NPSR1: variants seen among roughly 807,000 people sequenced by gnomAD.
The protein encoded by NPSR1 is neuropeptide S receptor.
A neutral mutation model predicts 46.9 loss-of-function variants in NPSR1; 48 were observed. That is an observed-to-expected ratio of 1.02 (90% CI 0.81 to 1.30). The LOEUF (loss-of-function observed/expected upper bound fraction) is 1.30, where lower values mean the gene tolerates loss of function less well. NPSR1 is among the 50% of genes most tolerant of loss of function. The pLI is 0.00. For synonymous variants in NPSR1, 176 were observed against 168.1 expected, an observed-to-expected ratio of 1.05 and a Z score of -0.36; for missense variants, 450 against 449.5, an observed-to-expected ratio of 1.00 and a Z score of -0.01.
intron 8 of NPSR1, among the ~76,000 whole-genome samples, chr7:34,858,308 G>C (rs1791097369): frequency 6.6e-6 from 1 of 151,602 alleles, no homozygotes; most frequent in Non-Finnish European, 1.5e-5. Context: ...CAGTAGAATA[G>C]ATAAATAAAT....
At chr7:34,806,629 G>C (rs969811753) in intron 3 of NPSR1, among the ~76,000 whole-genome samples, 1 of 152,012 alleles carries the variant, frequency 6.6e-6, no homozygotes, top group Non-Finnish European at 1.5e-5. Flanking sequence ...GTCCAACACA[G>C]AGTGAACCTT....
intron 1 of NPSR1, among the ~76,000 whole-genome samples, chr7:34,663,022 C>T (rs1791533111): frequency 7.8e-6 from 1 of 128,944 alleles, no homozygotes. Context: ...ACTCCAGGGG[C>T]AGTGCTTCTG....
intron 1 of NPSR1, among the ~76,000 whole-genome samples, chr7:34,668,857 T>C (rs1275044938): frequency 6.6e-6 from 1 of 152,178 alleles, no homozygotes; most frequent in African/African-American, 2.4e-5. Context: ...CCAAAGTAAG[T>C]TCATGGTCAC....
chr7:34,842,480 T>C (rs1280725625), intron 6 of NPSR1, among the ~76,000 whole-genome samples: 2 of 152,212 alleles, frequency 1.3e-5, no homozygotes, highest in African/African-American at 4.8e-5. Context: ...CACACAATTG[T>C]GACAATTAAA....
chr7:34,842,350 T>A (rs1387644952), intron 6 of NPSR1, among the ~76,000 whole-genome samples: 1 of 152,250 alleles, frequency 6.6e-6, no homozygotes, highest in Non-Finnish European at 1.5e-5. Flanking sequence ...GTTTCTCACC[T>A]TTGACACCTT....
intron 2 of NPSR1, among the ~76,000 whole-genome samples, chr7:34,710,508 G>A (rs1783222848): frequency 6.6e-6 from 1 of 152,190 alleles, no homozygotes; most frequent in Admixed American, 6.5e-5. Context: ...GTCCTTTCCA[G>A]AATAGATGAA....
chr7:34,845,549 C>T (rs1304613564), intron 7 of NPSR1: 3 of 455,686 alleles, frequency 6.6e-6, no homozygotes, highest in Non-Finnish European at 1.3e-5. Flanking sequence ...TTCCTAATCT[C>T]ATTTGTTCCC....
intron 2 of NPSR1, chr7:34,753,275 G>C (rs1253715811): frequency 2.0e-5 from 3 of 152,196 alleles, no homozygotes; most frequent in African/African-American, 4.8e-5. Context: ...AGAAATACGA[G>C]ACTGTCTTCC....
intron 8 of NPSR1, among the ~76,000 whole-genome samples, chr7:34,859,201 T>C (rs1244113729): frequency 6.6e-6 from 1 of 151,746 alleles, no homozygotes; most frequent in Non-Finnish European, 1.5e-5. Context: ...GGAACATTGA[T>C]GCCAACATTT....
intron 2 of NPSR1, among the ~76,000 whole-genome samples, chr7:34,760,328 G>C (rs1248532827): frequency 1.3e-5 from 2 of 152,090 alleles, no homozygotes; most frequent in Non-Finnish European, 2.9e-5. Flanking sequence ...GGTTTTATAG[G>C]GCAAGCATTT....
At chr7:34,796,984 T>C (rs1238721614) in intron 3 of NPSR1, among the ~76,000 whole-genome samples, 1 of 152,194 alleles carries the variant, frequency 6.6e-6, no homozygotes, top group East Asian at 1.9e-4. Flanking sequence ...AATGAAATAT[T>C]ATTCAGTGCT....
At chr7:34,698,893 G>A (rs930802899) in intron 2 of NPSR1, among the ~76,000 whole-genome samples, 10 of 151,908 alleles carry the variant, frequency 6.6e-5, no homozygotes, top group East Asian at 1.9e-4. Flanking sequence ...ACTATTGCAC[G>A]CCTCAGAGAC....
intron 2 of NPSR1, among the ~76,000 whole-genome samples, chr7:34,690,033 A>T (rs1362833084): frequency 2.0e-5 from 3 of 152,024 alleles, no homozygotes; most frequent in African/African-American, 7.2e-5. Flanking sequence ...GCCTCCTGAG[A>T]CCTCTGCCAC....
chr7:34,792,935 AC>A (rs1279893871), intron 3 of NPSR1, among the ~76,000 whole-genome samples: 2 of 150,808 alleles, frequency 1.3e-5, no homozygotes, highest in African/African-American at 4.9e-5. Context: ...TGCTTATAAT[AC>A]CAGCACCTTG....
chr7:34,797,570 T>C (rs1274924361), intron 3 of NPSR1, among the ~76,000 whole-genome samples: 1 of 152,036 alleles, frequency 6.6e-6, no homozygotes, highest in Non-Finnish European at 1.5e-5. Context: ...CACACACATA[T>C]AACAGAAATA....
chr7:34,856,676 G>C (rs1791056046), intron 8 of NPSR1, among the ~76,000 whole-genome samples: 1 of 151,692 alleles, frequency 6.6e-6, no homozygotes, highest in Non-Finnish European at 1.5e-5. Context: ...GCAGACTTTT[G>C]TTTGTGACAA....
At chr7:34,704,680 T>C (rs937081074) in intron 2 of NPSR1, among the ~76,000 whole-genome samples, 1 of 152,210 alleles carries the variant, frequency 6.6e-6, no homozygotes, top group Non-Finnish European at 1.5e-5. Flanking sequence ...CTCAAAAGGC[T>C]GAGTGGAAAA....
intron 2 of NPSR1, among the ~76,000 whole-genome samples, chr7:34,760,423 G>T (rs1165789944): frequency 6.6e-6 from 1 of 152,158 alleles, no homozygotes. Flanking sequence ...TTTACAAAGA[G>T]CCCTGGATTC....
At chr7:34,843,878 C>G (rs1790655239) in intron 6 of NPSR1, among the ~76,000 whole-genome samples, 1 of 152,240 alleles carries the variant, frequency 6.6e-6, no homozygotes, top group East Asian at 1.9e-4. Context: ...TGACCAGGGC[C>G]ACCACTAGGG....
Sources: allele counts gnomAD v4.1 joint callset (sites outside exome capture counted in the v4.1 genomes callset), GRCh38; gene constraint gnomAD v4.1.1; transcripts MANE v1.5; gene names NCBI Gene and HGNC (gene_info 2026-07-23, HGNC 2026-07-21).